PVALB: variants seen among roughly 807,000 people sequenced by gnomAD.
PVALB encodes the protein parvalbumin, also known as parvalbumin alpha.
Under a neutral mutation model 10.9 loss-of-function variants are expected in PVALB, and 11 were observed. The observed-to-expected ratio is 1.01, with a 90% CI of 0.63 to 1.67. The LOEUF (loss-of-function observed/expected upper bound fraction) is 1.67. PVALB is among the 40% of genes most tolerant of loss of function. The probability of loss-of-function intolerance (pLI) is 0.00; values close to 1 mark genes in which losing one functional copy is unlikely to be tolerated. For synonymous variants in PVALB, 57 were observed against 50.7 expected (o/e 1.12, Z -0.53); for missense variants, 131 against 136.2 (o/e 0.96, Z 0.19).
intron 3 of PVALB, among the ~76,000 whole-genome samples, chr22:36,812,781 C>T (rs1241671879): frequency 6.6e-6 from 1 of 152,196 alleles, no homozygotes; most frequent in African/African-American, 2.4e-5. Flanking sequence ...CTCATTCAGG[C>T]CTGGTTCTAA....
intron 1 of PVALB, among the ~76,000 whole-genome samples, chr22:36,816,739 T>G (rs1455612655): frequency 6.6e-6 from 1 of 152,022 alleles, no homozygotes; most frequent in African/African-American, 2.4e-5. Flanking sequence ...GGCGCCCTCT[T>G]CCCCGCCCGC....
intron 3 of PVALB, among the ~76,000 whole-genome samples, chr22:36,804,256 G>T (rs992371180): frequency 3.3e-5 from 5 of 152,220 alleles, no homozygotes; most frequent in African/African-American, 1.2e-4. Context: ...CAGCTGGTGT[G>T]ACGGGGACCC....
intron 3 of PVALB, chr22:36,811,486 C>G: frequency 2.1e-6 from 1 of 470,824 alleles, no homozygotes; most frequent in East Asian, 7.0e-5. Context: ...TCTTCCATTG[C>G]CGGGCACAGA....
At chr22:36,801,247 G>A (rs1451853427) in intron 3 of PVALB, among the ~76,000 whole-genome samples, 1 of 152,056 alleles carries the variant, frequency 6.6e-6, no homozygotes, top group African/African-American at 2.4e-5. Context: ...GGCACTATTC[G>A]AAACACTTTA....
At chr22:36,817,696 C>A (rs1461548989), upstream of PVALB, among the ~76,000 whole-genome samples, 1 of 152,192 alleles carries the variant, frequency 6.6e-6, no homozygotes, top group Non-Finnish European at 1.5e-5. Context: ...ATTCTAAAAC[C>A]TGATTTGATG....
chr22:36,804,056 CTGGGATAAAGGA>C (rs2145945675), intron 3 of PVALB, among the ~76,000 whole-genome samples: 1 of 152,294 alleles, frequency 6.6e-6, no homozygotes, highest in Non-Finnish European at 1.5e-5. Context: ...TTTCTCTGTC[CTGGGATAAAGGA>C]TGCATGAGCC....
chr22:36,815,409 G>C, intron 1 of PVALB, 174 bp from the exon 2 acceptor site: 1 of 839,490 alleles, frequency 1.2e-6, no homozygotes, highest in Non-Finnish European at 1.8e-6. Context: ...AGGATAACCT[G>C]TCCAAGGTCA....
At chr22:36,813,955 G>C (rs1363128478) in intron 2 of PVALB, among the ~76,000 whole-genome samples, 200 bp from the exon 3 acceptor site, 1 of 152,200 alleles carries the variant, frequency 6.6e-6, no homozygotes, top group Non-Finnish European at 1.5e-5. Flanking sequence ...TTTAGGAAAG[G>C]ACAGGCTGTC....
At chr22:36,815,412 C>A in intron 1 of PVALB, 177 bp from the exon 2 acceptor site, 2 of 801,026 alleles carry the variant, frequency 2.5e-6, no homozygotes, top group Non-Finnish European at 3.9e-6. Flanking sequence ...ATAACCTGTC[C>A]AAGGTCACAA....
chr22:36,819,325 AC>A (rs1056831399), upstream of PVALB: 5 of 151,622 alleles, frequency 3.3e-5, no homozygotes, highest in African/African-American at 4.9e-5. Flanking sequence ...CCCCCACCGC[AC>A]CCCCCTCCCC....
intron 1 of PVALB, 68 bp from the exon 2 acceptor site, chr22:36,815,303 G>A: frequency 1.3e-6 from 2 of 1,581,926 alleles, no homozygotes; most frequent in Admixed American, 1.7e-5. Flanking sequence ...GAGAATGGGG[G>A]GCATCAAGGC....
intron 3 of PVALB, among the ~76,000 whole-genome samples, chr22:36,808,386 A>T (rs1938994553): frequency 6.6e-6 from 1 of 152,118 alleles, no homozygotes; most frequent in East Asian, 1.9e-4. Flanking sequence ...CTGGGGACAC[A>T]TGCTCGTGTG....
intron 3 of PVALB, 79 bp downstream of exon 3, chr22:36,813,567 A>T (rs1939079924): frequency 8.4e-7 from 1 of 1,192,420 alleles, no homozygotes. Flanking sequence ...CTTCCTTGTG[A>T]CAGACATAGC....
In PVALB at chr22:36,817,022, C is replaced by A. The variant is rs781676278; in HGVS notation, c.-17G>T. The A allele has an allele frequency of 1.2e-6, 2 of 1,605,824 alleles. No individual in the cohort carries two copies. The highest frequency in any genetic ancestry group is 1.7e-5 in the Admixed American group (1 of 59,504). ...CATCGACATCCTGCAACTGTTTGAG[C>A]GGGCAGAGCAAGTGCGAAAAGATTA... On this transcript the variant is annotated 5_prime_UTR_variant, in exon 1 of 4. Coordinates refer to ENST00000417718, the MANE Select transcript of PVALB (RefSeq NM_001315532.2).
At chr22:36,815,001 G>T in intron 2 of PVALB, 102 bp downstream of exon 2, 1 of 1,445,794 alleles carries the variant, frequency 6.9e-7, no homozygotes, top group African/African-American at 1.4e-5. Context: ...GAAGCAGGCA[G>T]AGTGAAAGGC....
intron 3 of PVALB, 97 bp downstream of exon 3, chr22:36,813,549 T>C: frequency 1.0e-6 from 1 of 990,116 alleles, no homozygotes; most frequent in Non-Finnish European, 1.6e-6. Flanking sequence ...GGGACCCCCA[T>C]ATCATCCCTT....
intron 1 of PVALB, chr22:36,816,564 GC>G (rs1196849482): frequency 4.3e-6 from 1 of 233,916 alleles, no homozygotes; most frequent in African/African-American, 2.2e-5. Flanking sequence ...AGAGGAGGAT[GC>G]CCCCTGCAGT....
At chr22:36,802,659 A>AT (rs1938887605) in intron 3 of PVALB, among the ~76,000 whole-genome samples, 1 of 150,482 alleles carries the variant, frequency 6.6e-6, no homozygotes, top group African/African-American at 2.4e-5. Flanking sequence ...CCCTGGCTAG[A>AT]TGAAGGGACA....
intron 3 of PVALB, chr22:36,813,429 C>T: frequency 1.9e-6 from 1 of 539,756 alleles, no homozygotes; most frequent in Non-Finnish European, 3.3e-6. Flanking sequence ...GAATCTATTC[C>T]TTTTAGGTTT....
Sources: gnomAD v4.1 joint callset for allele counts (sites outside exome capture counted in the v4.1 genomes callset) on GRCh38, gnomAD v4.1.1 for gene constraint, MANE v1.5 for transcripts, NCBI Gene and HGNC (gene_info 2026-07-23, HGNC 2026-07-21) for gene names.